LDLRAD4: variants seen among roughly 807,000 people sequenced by gnomAD.
The protein encoded by LDLRAD4 is low-density lipoprotein receptor class A domain-containing protein 4.
LDLRAD4 carries 5 observed loss-of-function variants against 17.0 expected under a neutral mutation model. The ratio of observed to expected loss-of-function variants is 0.29; its 90% confidence interval spans 0.15 to 0.62. The LOEUF is 0.62. Ranked by LOEUF, LDLRAD4 falls within the 20% of genes least tolerant of loss-of-function variation. The probability of loss-of-function intolerance (pLI) is 0.84; values close to 1 mark genes in which losing one functional copy is unlikely to be tolerated. For missense variants in LDLRAD4, 340 were observed against 424.7 expected (o/e 0.80, Z 1.75); for synonymous variants, 168 against 171.8 (o/e 0.98, Z 0.17).
rs2046096041 is a variant in LDLRAD4, at chr18:13,293,638, C to A, written c.-383+15450C>A. 2.0e-5 allele frequency among the ~76,000 whole-genome samples: 3 copies of A among 152,200 alleles called. No homozygotes were observed. In the South Asian group the frequency reaches 6.2e-4, roughly 31 times the overall value. On this transcript the variant is annotated intron_variant, in intron 1 of 5. Transcript: ENST00000359446. ...TCTCTGGTGCATTTCTGGATTAAAT[C>A]ATAACTTTAGAATACTTTTCTCTTT...
chr18:13,499,455 G>A (rs1205469890), intron 3 of LDLRAD4, among the ~76,000 whole-genome samples: 1 of 147,982 alleles, frequency 6.8e-6, no homozygotes, highest in South Asian at 2.2e-4. Context: ...GGACACTGGA[G>A]AATCCTTCTA....
chr18:13,440,494 T>C lies in LDLRAD4; in HGVS notation c.181+2110T>C, dbSNP rs780828283. Among the ~76,000 whole-genome samples, 106 of 152,312 alleles carry C rather than the reference T, an allele frequency of 7.0e-4. No individual in the cohort carries two copies. Among genetic ancestry groups the C allele is most frequent in the Non-Finnish European group, 1.2e-3 (81 of 68,032 alleles). On this transcript the variant is annotated intron_variant, in intron 3 of 5. Coordinates refer to ENST00000359446, the Ensembl canonical transcript of LDLRAD4. The surrounding 1 kb of genome is among the most constrained non-coding windows in gnomAD (Gnocchi z 4.4). Reference sequence around the variant, plus strand: ...CCTACTGTTCAGATATGACTAGAACTTTTGTCTTTATAGCTAAAATGGGAT... The same window carrying C: ...CCTACTGTTCAGATATGACTAGAACCTTTGTCTTTATAGCTAAAATGGGAT...
At chr18:13,420,001 T>G (rs974892292) in intron 2 of LDLRAD4, 25 of 152,178 alleles carry the variant, frequency 1.6e-4, no homozygotes, top group African/African-American at 6.0e-4. Context: ...CTGTGTCTTG[T>G]TAACTGGCTA....
intron 2 of LDLRAD4, among the ~76,000 whole-genome samples, chr18:13,394,081 G>C (rs978776399): frequency 6.6e-6 from 1 of 152,196 alleles, no homozygotes; most frequent in Non-Finnish European, 1.5e-5. Flanking sequence ...TTTCTGCAGG[G>C]AAGTTAAGTT....
chr18:13,292,038 C>T (rs141513808), intron 1 of LDLRAD4, among the ~76,000 whole-genome samples: 1 of 152,292 alleles, frequency 6.6e-6, no homozygotes, highest in East Asian at 1.9e-4. Context: ...GTAGTCTGTC[C>T]ACATGCATTT....
chr18:13,242,581 AAAT>A (rs1436476902), intron 1 of LDLRAD4, among the ~76,000 whole-genome samples: 1 of 152,214 alleles, frequency 6.6e-6, no homozygotes, highest in African/African-American at 2.4e-5. Flanking sequence ...ATAGAAAAAG[AAAT>A]AAGAACTAAA....
At chr18:13,500,123 A>T (rs1182681621) in intron 3 of LDLRAD4, among the ~76,000 whole-genome samples, 1 of 151,638 alleles carries the variant, frequency 6.6e-6, no homozygotes, top group East Asian at 1.9e-4. Flanking sequence ...TTTGGTGATT[A>T]AAAAAAAATG....
chr18:13,572,423 G>A (rs2094706257), intron 3 of LDLRAD4, among the ~76,000 whole-genome samples: 1 of 152,220 alleles, frequency 6.6e-6, no homozygotes, highest in Admixed American at 6.5e-5. Flanking sequence ...CCTGGGCTGG[G>A]AGTGGAAGGA....
At chr18:13,406,422 A>G (rs2087757374) in intron 2 of LDLRAD4, among the ~76,000 whole-genome samples, 1 of 152,080 alleles carries the variant, frequency 6.6e-6, no homozygotes, top group Non-Finnish European at 1.5e-5. Flanking sequence ...CTCCCTGGGC[A>G]TTTTCTTTGT....
intron 1 of LDLRAD4, among the ~76,000 whole-genome samples, chr18:13,384,930 A>G (rs549383464): frequency 3.3e-5 from 5 of 152,358 alleles, no homozygotes; most frequent in African/African-American, 1.2e-4. Flanking sequence ...TATTGTGAAT[A>G]GTGCCGAAAT....
chr18:13,358,774 C>T (rs1473012003), intron 1 of LDLRAD4, among the ~76,000 whole-genome samples: 1 of 152,066 alleles, frequency 6.6e-6, no homozygotes, highest in Non-Finnish European at 1.5e-5. Context: ...GTTGGCTTAC[C>T]ATATTTCCAG....
intron 3 of LDLRAD4, among the ~76,000 whole-genome samples, chr18:13,480,868 C>G (rs9945120): frequency 0.11 from 17,080 of 152,192 alleles, 3,273 homozygotes; most frequent in African/African-American, 0.39. Flanking sequence ...TCACAGACAC[C>G]CATGACTCCC....
intron 1 of LDLRAD4, among the ~76,000 whole-genome samples, chr18:13,378,645 C>CT (rs1226499900): frequency 6.6e-6 from 1 of 152,182 alleles, no homozygotes. Context: ...GAGCCTCTAT[C>CT]TTTTTCCTTT....
chr18:13,359,804 G>A (rs111453732), intron 1 of LDLRAD4, among the ~76,000 whole-genome samples: 2,579 of 152,288 alleles, frequency 0.017, 71 homozygotes, highest in African/African-American at 0.06. Flanking sequence ...CATCTAGATT[G>A]AGCACTTCTT....
rs1010455072 is a variant in LDLRAD4 at position 13,586,880 on chromosome 18, GA to G, written c.182-34228del. 1.8e-3 allele frequency among the ~76,000 whole-genome samples: 268 copies of G among 147,364 alleles called. 1 individual carries two copies. The highest frequency in any genetic ancestry group is 6.1e-3 in the African/African-American group (243 of 39,970). ...CTGAATCTAAAAAAAAAAAAAAAAG[GA>G]AAAAAAAATAGGGGGGATCAGTATG... On this transcript the variant is annotated intron_variant, in intron 3 of 5. Coordinates refer to ENST00000359446, the Ensembl canonical transcript of LDLRAD4.
chr18:13,373,833 A>C (rs1254479546), intron 1 of LDLRAD4, among the ~76,000 whole-genome samples: 1 of 152,204 alleles, frequency 6.6e-6, no homozygotes, highest in Non-Finnish European at 1.5e-5. Context: ...ATTTTCATTT[A>C]GACTGGATTT....
At chr18:13,237,910 C>T (rs979798530) in intron 1 of LDLRAD4, among the ~76,000 whole-genome samples, 7 of 152,160 alleles carry the variant, frequency 4.6e-5, no homozygotes, top group African/African-American at 1.7e-4. Flanking sequence ...GTTAAGATCT[C>T]GTCTCTAAAA....
chr18:13,541,535 T>C (rs2094282801), intron 3 of LDLRAD4, among the ~76,000 whole-genome samples: 1 of 152,182 alleles, frequency 6.6e-6, no homozygotes, highest in African/African-American at 2.4e-5. Flanking sequence ...TTGTGAGACA[T>C]GAGCATGTGG....
At chr18:13,233,127 G>A (rs1323596955) in intron 1 of LDLRAD4, among the ~76,000 whole-genome samples, 1 of 152,262 alleles carries the variant, frequency 6.6e-6, no homozygotes, top group Admixed American at 6.5e-5. Context: ...CACCAGTGGC[G>A]CCACCTCTTT....
Sources: allele counts gnomAD v4.1 joint callset (sites outside exome capture counted in the v4.1 genomes callset), GRCh38; gene constraint gnomAD v4.1.1; non-coding constraint Gnocchi (gnomAD v3.1); transcripts MANE v1.5; gene names NCBI Gene and HGNC (gene_info 2026-07-23, HGNC 2026-07-21).